Variants in SLC15A4 observed in about 807,000 individuals in gnomAD.
SLC15A4 encodes the protein solute carrier family 15 member 4.
SLC15A4 carries 26 observed loss-of-function variants against 46.1 expected under a neutral mutation model. The ratio of observed to expected loss-of-function variants is 0.56; its 90% CI spans 0.41 to 0.78. The LOEUF (loss-of-function observed/expected upper bound fraction) is 0.78, where lower values mean the gene tolerates loss of function less well. SLC15A4 is among the 30% of genes least tolerant of loss of function. The pLI is 0.00. For synonymous variants in SLC15A4, 370 were observed against 333.4 expected (o/e 1.11, Z -1.20); for missense variants, 751 against 755.7 (o/e 0.99, Z 0.07).
chr12:128,816,439 T>C (rs548702939), intron 1 of SLC15A4, among the ~76,000 whole-genome samples: 1 of 152,250 alleles, frequency 6.6e-6, no homozygotes, highest in Admixed American at 6.5e-5. Flanking sequence ...TCACAGGTTA[T>C]GAAAGAGTTA....
intron 7 of SLC15A4, among the ~76,000 whole-genome samples, chr12:128,795,455 A>G (rs898991700): frequency 6.6e-6 from 1 of 152,200 alleles, no homozygotes; most frequent in Admixed American, 6.5e-5. Context: ...AGCTCAAGCT[A>G]TAAGGCTTGA....
intron 7 of SLC15A4, among the ~76,000 whole-genome samples, chr12:128,794,765 C>T (rs563191887): frequency 9.2e-5 from 14 of 152,162 alleles, no homozygotes; most frequent in Admixed American, 7.2e-4. Context: ...TAAGGCCGCA[C>T]GACAAGGCTG....
intron 5 of SLC15A4, among the ~76,000 whole-genome samples, chr12:128,804,502 T>A (rs1176912008): frequency 2.0e-5 from 3 of 152,116 alleles, no homozygotes; most frequent in Non-Finnish European, 4.4e-5. Context: ...GAGGCCAAGG[T>A]GGGCAGATCA....
In SLC15A4 at chr12:128,814,726, G is replaced by A. The variant is rs371127977; in HGVS notation, c.842+49C>T. 3.5e-5 allele frequency: 55 copies of A among 1,580,036 alleles called. 1 individual carries two copies. Among genetic ancestry groups the A allele is most frequent in the South Asian group, 2.0e-4 (18 of 89,024 alleles). ...ACCGAAGCTAGGATGTTAATAAAGA[G>A]ATCGATAAAGTCCTTTCAAACAGCC... On this transcript the variant is annotated intron_variant, in intron 2 of 7. Coordinates refer to ENST00000266771, the MANE Select transcript of SLC15A4 (RefSeq NM_145648.4).
chr12:128,820,022 G>A (rs1955812090), intron 1 of SLC15A4, among the ~76,000 whole-genome samples: 1 of 152,214 alleles, frequency 6.6e-6, no homozygotes, highest in Non-Finnish European at 1.5e-5. Context: ...CAGCAACTGT[G>A]GCGAGGCTTA....
At chr12:128,809,890 G>T in intron 3 of SLC15A4, 53 bp downstream of exon 3, 1 of 1,563,638 alleles carries the variant, frequency 6.4e-7, no homozygotes. Flanking sequence ...CAAGTGCTAG[G>T]GTAAGACTTC....
chr12:128,810,630 T>C (rs1172689400), intron 2 of SLC15A4, among the ~76,000 whole-genome samples: 1 of 152,056 alleles, frequency 6.6e-6, no homozygotes, highest in Admixed American at 6.6e-5. Flanking sequence ...CTGGCAGGAC[T>C]GAGGCAGGCT....
In SLC15A4 at chr12:128,823,675, G is replaced by T; in HGVS notation, c.269C>A (p.Pro90Gln). 1 of 1,501,858 alleles carries T rather than the reference G, an allele frequency of 6.7e-7. No homozygotes were observed. Among genetic ancestry groups the T allele is most frequent in the Non-Finnish European group, 8.8e-7 (1 of 1,131,744 alleles). The allele number at this position is 1,501,858 out of a possible 1,614,324, so 93.0% of individuals were successfully genotyped here. A position where few individuals can be genotyped will look rare whatever the true frequency, so the allele number is the denominator to read the frequency against. Residue 90 changes from proline to glutamine, a missense_variant, in exon 1 of 8, where the codon CCG becomes CAG. Pro to Gln is a moderately conservative substitution (Grantham distance 76, BLOSUM62 -1). Transcript: ENST00000266771. ...CGCGTCGGCCAGCCAGCCTCCGAAC[G>T]GCGAGCCCAGGTAGGTGAGGCCCAT... ...LFMGLTYLGS[P>Q]FGGWLADARL...
At position 128,794,297 on chromosome 12, in the gene SLC15A4, C is replaced by G. The variant is rs1307421036; in HGVS notation, c.1633G>C (p.Ala545Pro). 1 of 1,613,756 alleles carries G rather than the reference C, an allele frequency of 6.2e-7. No individual in the cohort carries two copies. Among genetic ancestry groups the G allele is most frequent in the Non-Finnish European group, 8.5e-7 (1 of 1,179,854 alleles). ...ATAATGAGGAAAAGCAGGAGGGTAGCTCCTTGAATAGCAGCCAGAAGAAAA... is the reference window on the plus strand; with the variant it reads ...ATAATGAGGAAAAGCAGGAGGGTAGGTCCTTGAATAGCAGCCAGAAGAAAA... Reference protein sequence around the residue: ...YFFLLAAIQGATLLLFLIISV... With the variant: ...YFFLLAAIQGPTLLLFLIISV... Residue 545 changes from alanine to proline, a missense_variant, in exon 8 of 8, where the codon GCT becomes CCT. By Grantham distance (27) the Ala-to-Pro change is conservative. Transcript: ENST00000266771.
chr12:128,811,602 C>T (rs1355851669), intron 2 of SLC15A4, among the ~76,000 whole-genome samples: 1 of 152,186 alleles, frequency 6.6e-6, no homozygotes, highest in African/African-American at 2.4e-5. Context: ...ATTCCAAAGA[C>T]ATTATAAATA....
At chr12:128,811,023 C>T (rs530503578) in intron 2 of SLC15A4, among the ~76,000 whole-genome samples, 1 of 152,222 alleles carries the variant, frequency 6.6e-6, no homozygotes, top group African/African-American at 2.4e-5. Flanking sequence ...GCATCCCCAG[C>T]TCTTGTACTA....
At chr12:128,811,991 G>C (rs34888374) in intron 2 of SLC15A4, among the ~76,000 whole-genome samples, 1 of 152,076 alleles carries the variant, frequency 6.6e-6, no homozygotes, top group Admixed American at 6.5e-5. Context: ...ACAAGTTGAC[G>C]AGCTCCAGTT....
chr12:128,805,033 G>A (rs1331060732), intron 5 of SLC15A4, among the ~76,000 whole-genome samples: 1 of 152,112 alleles, frequency 6.6e-6, no homozygotes, highest in African/African-American at 2.4e-5. Context: ...TAACAGACAG[G>A]GTTTGTCTTC....
intron 5 of SLC15A4, among the ~76,000 whole-genome samples, chr12:128,806,004 C>A (rs1369546281): frequency 3.3e-5 from 5 of 151,598 alleles, no homozygotes; most frequent in African/African-American, 1.2e-4. Context: ...CCTGTCTCTA[C>A]TAAAAATACA....
At chr12:128,795,555 G>A (rs897743399) in intron 7 of SLC15A4, among the ~76,000 whole-genome samples, 1 of 152,214 alleles carries the variant, frequency 6.6e-6, no homozygotes, top group African/African-American at 2.4e-5. Flanking sequence ...GCACTCAAGA[G>A]GGAGTCTGGA....
intron 6 of SLC15A4, among the ~76,000 whole-genome samples, chr12:128,800,207 G>A (rs1253788618): frequency 2.6e-5 from 4 of 152,108 alleles, no homozygotes; most frequent in African/African-American, 9.7e-5. Context: ...ACTAGACACG[G>A]AGATTTGTAG....
At chr12:128,795,755 C>T (rs964680449) in intron 7 of SLC15A4, among the ~76,000 whole-genome samples, 3 of 152,254 alleles carry the variant, frequency 2.0e-5, no homozygotes, top group Non-Finnish European at 2.9e-5. Context: ...ACTTTTAGCT[C>T]GTCATGACTG....
Position 128,801,123 on chromosome 12 carries a change from G to T in SLC15A4, c.1259-114C>A, listed in dbSNP as rs556006492. 1.6e-5 allele frequency: 16 copies of T among 975,802 alleles called. No individual in the cohort carries two copies. In the East Asian group the frequency reaches 3.9e-4, roughly 24 times the overall value. 60.4% of individuals were successfully genotyped at this position (975,802 alleles called of 1,614,324 possible). ...GCAAACGTGATTCTGATGCGTGAAA[G>T]GACCACGTCTAATCACAGCTTCCCC... is the stretch of plus-strand genomic sequence containing the variant. On this transcript the variant is annotated intron_variant, in intron 5 of 7. Transcript: ENST00000266771.
chr12:128,803,407 TCA>T (rs145060829), intron 5 of SLC15A4, among the ~76,000 whole-genome samples: 2,344 of 152,092 alleles, frequency 0.015, 49 homozygotes, highest in African/African-American at 0.053. Flanking sequence ...GTTGATGGAT[TCA>T]CAGACAGCAC....
Sources: gnomAD v4.1 joint callset for allele counts (sites outside exome capture counted in the v4.1 genomes callset) on GRCh38, gnomAD v4.1.1 for gene constraint, MANE v1.5 for transcripts, NCBI Gene and HGNC (gene_info 2026-07-23, HGNC 2026-07-21) for gene names.